PTPRM: variants seen among roughly 807,000 people sequenced by gnomAD.
PTPRM encodes receptor-type tyrosine-protein phosphatase mu.
In PTPRM, 47 loss-of-function variants were observed where a neutral mutation model predicts 186.7. That is an observed-to-expected ratio of 0.25 (90% confidence interval 0.20 to 0.32). The LOEUF is 0.32. PTPRM is among the 10% of genes least tolerant of loss of function. The probability of loss-of-function intolerance (pLI) is 1.00; values close to 1 mark genes in which losing one functional copy is unlikely to be tolerated. For missense variants in PTPRM, 1,494 were observed against 1,865.0 expected (o/e 0.80, Z 3.66); for synonymous variants, 668 against 674.9 (o/e 0.99, Z 0.16).
At chr18:7,864,319 T>C (rs1345094154) in intron 2 of PTPRM, among the ~76,000 whole-genome samples, 1 of 152,272 alleles carries the variant, frequency 6.6e-6, no homozygotes. Flanking sequence ...CTAGGATTTT[T>C]ATGGTTTTAG....
At chr18:7,690,256 T>C (rs926984249) in intron 1 of PTPRM, among the ~76,000 whole-genome samples, 1 of 152,204 alleles carries the variant, frequency 6.6e-6, no homozygotes, top group African/African-American at 2.4e-5. Flanking sequence ...TGGTCACCAG[T>C]GTGCAGTGGA....
rs993708871 is a variant in PTPRM, at chr18:8,214,280, A to G, written c.2301-29778A>G. ...CTTGTTTTGCAAGAAATTGAAACTTAAATTTTAGAAAACTTTTAAAAAATT... is the reference window on the plus strand; with the variant it reads ...CTTGTTTTGCAAGAAATTGAAACTTGAATTTTAGAAAACTTTTAAAAAATT... On this transcript the variant is annotated intron_variant, in intron 14 of 32. Transcript: ENST00000580170. 1.4e-4 allele frequency among the ~76,000 whole-genome samples: 11 copies of G among 81,448 alleles called. 1 individual carries two copies. Among genetic ancestry groups the G allele is most frequent in the Middle Eastern group, 0.028 (2 of 72 alleles). The allele number at this position is 81,448 out of a possible 152,430, so 53.4% of individuals were successfully genotyped here. A position where few individuals can be genotyped will look rare whatever the true frequency, so the allele number is the denominator to read the frequency against.
chr18:7,983,507 G>A (rs1599857086), intron 7 of PTPRM, among the ~76,000 whole-genome samples: 1 of 152,058 alleles, frequency 6.6e-6, no homozygotes, highest in Non-Finnish European at 1.5e-5. Flanking sequence ...TTCAATATAG[G>A]CATTTGTCTC....
Position 8,384,695 on chromosome 18 carries a change from CG to C in PTPRM, c.4044+12del. On this transcript the variant is annotated intron_variant, in intron 30 of 32. Transcript: ENST00000580170. ...TTTACAATGCCGCCAGAGTAAGAGACGGGCCTGTCATGCCTGTGATTATGGT... is the reference window on the plus strand; with the variant it reads ...TTTACAATGCCGCCAGAGTAAGAGACGGCCTGTCATGCCTGTGATTATGGT... 1 of 1,613,910 alleles carries C rather than the reference CG, an allele frequency of 6.2e-7. No individual in the cohort carries two copies. Among genetic ancestry groups the C allele is most frequent in the Non-Finnish European group, 8.5e-7 (1 of 1,179,854 alleles).
chr18:7,795,152 C>T (rs1460476479), intron 2 of PTPRM, among the ~76,000 whole-genome samples: 6 of 152,160 alleles, frequency 3.9e-5, no homozygotes, highest in Non-Finnish European at 5.9e-5. Flanking sequence ...TGTGGATCGT[C>T]GTTGTTCTCC....
intron 1 of PTPRM, among the ~76,000 whole-genome samples, chr18:7,759,841 C>T (rs1194785199): frequency 6.6e-6 from 1 of 152,090 alleles, no homozygotes; most frequent in Admixed American, 6.5e-5. Flanking sequence ...TAATTGTAGA[C>T]GTTAGTAAGC....
At chr18:7,583,042 A>G (rs1224206549) in intron 1 of PTPRM, among the ~76,000 whole-genome samples, 1 of 152,190 alleles carries the variant, frequency 6.6e-6, no homozygotes, top group African/African-American at 2.4e-5. Flanking sequence ...CCAGTCCAGA[A>G]TAGCTGCTGT....
chr18:7,966,308 G>A (rs979665137), intron 7 of PTPRM, among the ~76,000 whole-genome samples: 4 of 152,302 alleles, frequency 2.6e-5, no homozygotes, highest in Non-Finnish European at 4.4e-5. Flanking sequence ...TATTACCATT[G>A]TGGAATGAGT....
intron 17 of PTPRM, among the ~76,000 whole-genome samples, chr18:8,248,659 G>C (rs1011027280): frequency 2.0e-5 from 3 of 152,162 alleles, no homozygotes; most frequent in Non-Finnish European, 4.4e-5. Flanking sequence ...GCAGAAAAAT[G>C]ATCACAATGG....
intron 1 of PTPRM, among the ~76,000 whole-genome samples, chr18:7,636,638 A>G (rs11876591): frequency 0.029 from 4,428 of 152,250 alleles, 231 homozygotes; most frequent in African/African-American, 0.1. Context: ...AGTACAGGAC[A>G]GAGGAGGCGC....
At chr18:7,888,485 C>T (rs1288256358) in intron 3 of PTPRM, 108 bp downstream of exon 3, 2 of 1,310,016 alleles carry the variant, frequency 1.5e-6, no homozygotes, top group Non-Finnish European at 2.0e-6. Flanking sequence ...TTTTTGTTGG[C>T]AAGGTTGTGG....
intron 23 of PTPRM, among the ~76,000 whole-genome samples, chr18:8,360,219 TACAG>T: frequency 6.6e-6 from 1 of 152,238 alleles, no homozygotes; most frequent in Admixed American, 6.5e-5. Context: ...TTCAGTAGGC[TACAG>T]ACAACCAGAA....
chr18:8,137,682 T>A (rs1378919122), intron 13 of PTPRM, among the ~76,000 whole-genome samples: 1 of 151,842 alleles, frequency 6.6e-6, no homozygotes, highest in African/African-American at 2.4e-5. Flanking sequence ...CTCTTCCCAA[T>A]CACCCCCAGC....
chr18:7,949,537 A>G (rs1225656061), intron 6 of PTPRM, among the ~76,000 whole-genome samples, 182 bp downstream of exon 6: 1 of 152,240 alleles, frequency 6.6e-6, no homozygotes, highest in Non-Finnish European at 1.5e-5. Context: ...ATATTTTTGA[A>G]AAATGTGTTT....
At chr18:7,628,836 G>A (rs939638555) in intron 1 of PTPRM, among the ~76,000 whole-genome samples, 2 of 152,150 alleles carry the variant, frequency 1.3e-5, no homozygotes, top group African/African-American at 2.4e-5. Context: ...TGTACTTTCC[G>A]TGCATGCTTG....
At chr18:8,173,146 T>G (rs1568463497) in intron 14 of PTPRM, among the ~76,000 whole-genome samples, 1 of 152,156 alleles carries the variant, frequency 6.6e-6, no homozygotes, top group South Asian at 2.1e-4. Context: ...CCATTAACCA[T>G]GTACCTAGAC....
At chr18:8,082,910 A>G (rs751509453) in intron 9 of PTPRM, among the ~76,000 whole-genome samples, 2 of 152,030 alleles carry the variant, frequency 1.3e-5, no homozygotes, top group Non-Finnish European at 2.9e-5. Flanking sequence ...TTTTCGATAC[A>G]TGGGACCGTC....
chr18:8,394,515 C>T lies in PTPRM; in HGVS notation c.4248C>T (p.Ser1416=). The change falls in exon 32 of 33, where the codon AGC becomes AGT. Residue 1416 remains serine (S), a synonymous_variant. Coordinates refer to ENST00000580170, the MANE Select transcript of PTPRM (RefSeq NM_001105244.2). ...GGRSGTFCAI[S]IVCEMLRHQR... The stretch of plus-strand genomic sequence containing the variant: ...GCAGTGGGACGTTCTGCGCCATCAG[C>T]ATCGTATGTGAGATGCTCCGGCACC... The T allele has an allele frequency of 1.2e-6, 2 of 1,613,670 alleles. No individual in the cohort carries two copies. The highest frequency in any genetic ancestry group is 1.7e-6 in the Non-Finnish European group (2 of 1,179,858).
intron 19 of PTPRM, among the ~76,000 whole-genome samples, chr18:8,289,575 T>TACATATATATACACATATATATACAC (rs1568675343): frequency 9.2e-6 from 1 of 109,210 alleles, no homozygotes; most frequent in Non-Finnish European, 1.7e-5. Flanking sequence ...TATATATATA[T>TACATATATATACACATATATATACAC]ACATATATAT....
Sources: allele counts gnomAD v4.1 joint callset (sites outside exome capture counted in the v4.1 genomes callset), GRCh38; gene constraint gnomAD v4.1.1; transcripts MANE v1.5; gene names NCBI Gene and HGNC (gene_info 2026-07-23, HGNC 2026-07-21).